PBX1: variants seen among roughly 807,000 people sequenced by gnomAD.
The protein encoded by PBX1 is pre-B-cell leukemia transcription factor 1.
In PBX1, 6 loss-of-function variants were observed where a neutral mutation model predicts 53.4. The ratio of observed to expected loss-of-function variants is 0.11; its 90% CI spans 0.06 to 0.22. PBX1 has a LOEUF of 0.22. Among genes scored for constraint, PBX1 ranks in the 10% least tolerant of loss-of-function variants. The pLI, the probability that PBX1 is intolerant of heterozygous loss-of-function variation, is 1.00. For missense variants in PBX1, 251 were observed against 551.4 expected (o/e 0.46, Z 5.46); for synonymous variants, 204 against 212.3 (o/e 0.96, Z 0.34).
chr1:164,820,133 C>T lies in PBX1; in HGVS notation c.1059C>T (p.Leu353=), dbSNP rs1670080788. 1 of 1,613,660 alleles carries T rather than the reference C, an allele frequency of 6.2e-7. No homozygotes were observed. Among genetic ancestry groups the T allele is most frequent in the Admixed American group, 1.7e-5 (1 of 59,982 alleles). ...ATTTGTTCATGAGCGTGCAGTCACT[C>T]AATGGGGATTCTTACCAAGGGGCCC... The part of the protein sequence containing the change: ...SGDLFMSVQS[L]NGDSYQGAQV... The change falls in exon 7 of 9, where the codon CTC becomes CTT. Residue 353 remains leucine, a synonymous_variant. Coordinates refer to ENST00000420696, the MANE Select transcript of PBX1 (RefSeq NM_002585.4).
chr1:164,766,737 T>A (rs991068458), intron 2 of PBX1, among the ~76,000 whole-genome samples: 121 of 122,900 alleles, frequency 9.8e-4, no homozygotes, highest in African/African-American at 4.1e-3. Context: ...TTTATTTATT[T>A]ATTTTTTTTT....
chr1:164,866,147 A>G (rs990078539), intron 2 of PBX1, among the ~76,000 whole-genome samples: 1 of 152,256 alleles, frequency 6.6e-6, no homozygotes, highest in African/African-American at 2.4e-5. Flanking sequence ...TTTTAAAACC[A>G]ATAAAGCCAA....
chr1:164,747,053 G>T (rs1397090591), intron 2 of PBX1, among the ~76,000 whole-genome samples: 1 of 152,098 alleles, frequency 6.6e-6, no homozygotes, highest in Non-Finnish European at 1.5e-5. Flanking sequence ...TTCCTATTGT[G>T]CAGGTGAGGA....
intron 7 of PBX1, 48 bp from the exon 8 acceptor site, chr1:164,821,489 C>A: frequency 6.9e-7 from 1 of 1,452,312 alleles, no homozygotes; most frequent in East Asian, 2.3e-5. Flanking sequence ...CTCCCTTTTC[C>A]TACACCTCTC....
rs1671733556 is a variant in PBX1 at position 164,849,578 on chromosome 1, C to T, written c.*2902C>T. The stretch of plus-strand genomic sequence containing the variant: ...AATAGATGTGGGAGTGCTCCATTTT[C>T]CCCGACAGCGAATTTCCCCTGAGAA... On this transcript the variant is annotated 3_prime_UTR_variant, in exon 9 of 9. Coordinates refer to ENST00000420696, the MANE Select transcript of PBX1 (RefSeq NM_002585.4). 3 of 962,026 alleles carry T rather than the reference C, an allele frequency of 3.1e-6. No homozygotes were observed. Among genetic ancestry groups the T allele is most frequent in the Admixed American group, 5.6e-5 (2 of 35,646 alleles). The allele number at this position is 962,026 out of a possible 1,614,324, so 59.6% of individuals were successfully genotyped here.
intron 4 of PBX1, among the ~76,000 whole-genome samples, chr1:164,805,163 A>C (rs1324563664): frequency 6.6e-6 from 1 of 152,300 alleles, no homozygotes; most frequent in Non-Finnish European, 1.5e-5. Flanking sequence ...TCAGCTTCCA[A>C]ATTTCTTAAA....
At chr1:164,615,397 A>G (rs1336374777) in intron 2 of PBX1, among the ~76,000 whole-genome samples, 1 of 152,184 alleles carries the variant, frequency 6.6e-6, no homozygotes, top group African/African-American at 2.4e-5. Context: ...ACTGATAGAT[A>G]TAAAAGAAAG....
At position 164,632,588 on chromosome 1, in the gene PBX1, T is replaced by C. The variant is rs540659764; in HGVS notation, c.265+69277T>C. On this transcript the variant is annotated intron_variant, in intron 2 of 8. Transcript: ENST00000420696. ...ACAGATGTACTCTTAGTGTAGAACA[T>C]GCAGAATGCCCACCGTGGATTCAAC... 2.6e-5 allele frequency among the ~76,000 whole-genome samples: 4 copies of C among 152,210 alleles called. No individual in the cohort carries two copies. The East Asian group carries it at 7.7e-4, about 29-fold the overall frequency.
intron 4 of PBX1, among the ~76,000 whole-genome samples, chr1:164,805,224 C>G (rs900791289): frequency 2.6e-5 from 4 of 152,202 alleles, no homozygotes; most frequent in Non-Finnish European, 5.9e-5. Context: ...TTTGAAATCA[C>G]AAATGTTAAC....
At chr1:164,667,063 G>T (rs77183880) in intron 2 of PBX1, among the ~76,000 whole-genome samples, 4,093 of 152,240 alleles carry the variant, frequency 0.027, 84 homozygotes, top group East Asian at 0.054. Context: ...TCTGTCTTAG[G>T]ATGGTTCTGC....
intron 2 of PBX1, among the ~76,000 whole-genome samples, chr1:164,647,612 T>TA (rs1659536042): frequency 6.6e-6 from 1 of 152,174 alleles, no homozygotes; most frequent in South Asian, 2.1e-4. Flanking sequence ...AAAATCATCA[T>TA]AAAATTTTTT....
chr1:164,712,754 T>C (rs912077182), intron 2 of PBX1, among the ~76,000 whole-genome samples: 1 of 152,176 alleles, frequency 6.6e-6, no homozygotes, highest in African/African-American at 2.4e-5. Flanking sequence ...GACTGTTTCC[T>C]GGCCTGGTGT....
At chr1:164,725,646 A>G (rs1413139426) in intron 2 of PBX1, among the ~76,000 whole-genome samples, 1 of 152,162 alleles carries the variant, frequency 6.6e-6, no homozygotes, top group Admixed American at 6.5e-5. Flanking sequence ...AAACCATTGC[A>G]TGTCTAACAT....
intron 2 of PBX1, among the ~76,000 whole-genome samples, chr1:164,596,287 C>T (rs1051120371): frequency 6.6e-6 from 1 of 152,158 alleles, no homozygotes; most frequent in Non-Finnish European, 1.5e-5. Context: ...TAAAATCGGG[C>T]CTCATTTCCT....
chr1:164,807,784 C>A, intron 5 of PBX1, 107 bp downstream of exon 5: 1 of 1,266,620 alleles, frequency 7.9e-7, no homozygotes, highest in Non-Finnish European at 1.1e-6. Context: ...TTGCAAGTTC[C>A]ATCAGCTATA....
At chr1:164,874,303 C>A (rs540757334) in intron 2 of PBX1, among the ~76,000 whole-genome samples, 1 of 152,274 alleles carries the variant, frequency 6.6e-6, no homozygotes, top group African/African-American at 2.4e-5. Context: ...AATGAGACTT[C>A]GCTTCGCCAT....
At chr1:164,658,792 G>A (rs181267975) in intron 2 of PBX1, among the ~76,000 whole-genome samples, 33 of 152,302 alleles carry the variant, frequency 2.2e-4, no homozygotes, top group Admixed American at 3.9e-4. Context: ...GCCAGATACT[G>A]TTATTACCAC....
intron 2 of PBX1, among the ~76,000 whole-genome samples, chr1:164,596,987 G>A (rs1180407334): frequency 6.6e-6 from 1 of 152,136 alleles, no homozygotes; most frequent in East Asian, 1.9e-4. Flanking sequence ...TCAGTCTCCT[G>A]AATTGGATCA....
At chr1:164,810,800 A>C (rs2102343033) in intron 5 of PBX1, among the ~76,000 whole-genome samples, 1 of 152,310 alleles carries the variant, frequency 6.6e-6, no homozygotes, top group South Asian at 2.1e-4. Flanking sequence ...ACAATAAATA[A>C]AGCATTTTCT....
Sources: allele counts gnomAD v4.1 joint callset (sites outside exome capture counted in the v4.1 genomes callset), GRCh38; gene constraint gnomAD v4.1.1; transcripts MANE v1.5; gene names NCBI Gene and HGNC (gene_info 2026-07-23, HGNC 2026-07-21).